The following LRRC4C variants were observed in gnomAD, a reference collection of about 807,000 sequenced individuals.
The protein encoded by LRRC4C is leucine rich repeat containing 4C.
A neutral mutation model predicts 33.6 loss-of-function variants in LRRC4C; 5 were observed. That is an observed-to-expected ratio of 0.15 (90% CI 0.08 to 0.31). The LOEUF (loss-of-function observed/expected upper bound fraction) is 0.31, where lower values mean the gene tolerates loss of function less well. LRRC4C is among the 10% of genes least tolerant of loss of function. The pLI, the probability that LRRC4C is intolerant of heterozygous loss-of-function variation, is 1.00. For missense variants in LRRC4C, 560 were observed against 796.7 expected, an observed-to-expected ratio of 0.70 and a Z score of 3.58; for synonymous variants, 329 against 302.0, an observed-to-expected ratio of 1.09 and a Z score of -0.93.
At chr11:40,762,426 T>C (rs537051641) in intron 2 of LRRC4C, among the ~76,000 whole-genome samples, 8 of 152,170 alleles carry the variant, frequency 5.3e-5, no homozygotes, top group Non-Finnish European at 8.8e-5. Flanking sequence ...GTTGAGTTCT[T>C]GTACATAATC....
chr11:40,316,633 A>G (rs1258544486), intron 4 of LRRC4C, among the ~76,000 whole-genome samples: 1 of 152,024 alleles, frequency 6.6e-6, no homozygotes, highest in African/African-American at 2.4e-5. Flanking sequence ...GGCGTTTAAT[A>G]AACTTTCACA....
At chr11:41,209,927 T>C (rs1231392894) in intron 1 of LRRC4C, among the ~76,000 whole-genome samples, 6 of 152,080 alleles carry the variant, frequency 3.9e-5, no homozygotes, top group Non-Finnish European at 7.4e-5. Flanking sequence ...TTCAATCAGA[T>C]AGGACTCGTG....
intron 5 of LRRC4C, among the ~76,000 whole-genome samples, chr11:40,237,515 T>G (rs890709943): frequency 6.6e-6 from 1 of 152,196 alleles, no homozygotes; most frequent in Non-Finnish European, 1.5e-5. Context: ...CGGTATGGAT[T>G]AAGTAGCATT....
chr11:40,698,896 G>A (rs528121085), intron 2 of LRRC4C, among the ~76,000 whole-genome samples: 15 of 152,022 alleles, frequency 9.9e-5, no homozygotes, highest in Non-Finnish European at 1.9e-4. Flanking sequence ...GGGGGAAACC[G>A]CCCCTATGAC....
intron 1 of LRRC4C, among the ~76,000 whole-genome samples, chr11:41,124,050 C>A (rs1942613271): frequency 1.3e-5 from 2 of 152,150 alleles, no homozygotes; most frequent in Non-Finnish European, 2.9e-5. Flanking sequence ...CACATAGAAA[C>A]AACCTGCTGG....
intron 6 of LRRC4C, among the ~76,000 whole-genome samples, chr11:40,135,412 G>C (rs1304513812): frequency 1.3e-5 from 2 of 152,114 alleles, no homozygotes; most frequent in South Asian, 4.1e-4. Flanking sequence ...AAATGAATGA[G>C]CTTCAGTTAA....
intron 1 of LRRC4C, among the ~76,000 whole-genome samples, chr11:40,935,495 C>T (rs971480991): frequency 1.9e-4 from 29 of 152,070 alleles, no homozygotes; most frequent in African/African-American, 6.8e-4. Flanking sequence ...TGTACCCTTT[C>T]TATGTTTAGG....
chr11:40,735,643 G>A (rs1467413321), intron 2 of LRRC4C, among the ~76,000 whole-genome samples: 1 of 124,748 alleles, frequency 8.0e-6, no homozygotes, highest in Non-Finnish European at 1.8e-5. Context: ...CTTTATAGCA[G>A]CATTATTTAT....
chr11:41,072,768 T>G (rs1938803519), intron 1 of LRRC4C, among the ~76,000 whole-genome samples: 2 of 152,196 alleles, frequency 1.3e-5, no homozygotes, highest in Admixed American at 1.3e-4. Context: ...CTGTGCAATT[T>G]TCTTTGTTTC....
intron 2 of LRRC4C, among the ~76,000 whole-genome samples, chr11:40,677,589 C>T (rs1944469176): frequency 6.6e-6 from 1 of 152,118 alleles, no homozygotes; most frequent in Admixed American, 6.5e-5. Context: ...GAAGGGTTTG[C>T]ATAAATATTT....
intron 1 of LRRC4C, among the ~76,000 whole-genome samples, chr11:40,989,644 AGTT>A (rs1374910480): frequency 6.6e-6 from 1 of 152,132 alleles, no homozygotes; most frequent in Non-Finnish European, 1.5e-5. Context: ...ATTTTTACTC[AGTT>A]GTTGTATTTA....
At chr11:41,040,460 A>G (rs1181633197) in intron 1 of LRRC4C, among the ~76,000 whole-genome samples, 1 of 152,226 alleles carries the variant, frequency 6.6e-6, no homozygotes, top group Non-Finnish European at 1.5e-5. Context: ...TTTTACATAT[A>G]GCTAAGAACT....
intron 2 of LRRC4C, among the ~76,000 whole-genome samples, chr11:40,914,492 C>T (rs1475684616): frequency 6.6e-5 from 10 of 152,264 alleles, no homozygotes; most frequent in South Asian, 2.1e-4. Flanking sequence ...AGACAAAATT[C>T]GACAACCCTT....
chr11:40,696,041 A>ATGTG lies in LRRC4C; in HGVS notation c.-406-47767_-406-47764dup, dbSNP rs567120072. On this transcript the variant is annotated intron_variant, in intron 2 of 6. Transcript: ENST00000528697. ...ATGTGGTGTGTGTGTGTATATATAT[A>ATGTG]TGTGTGTGTGTGTGTGTGTATATAT... 3.5e-3 allele frequency among the ~76,000 whole-genome samples: 505 copies of ATGTG among 143,964 alleles called. 5 individuals are homozygous for ATGTG. Among genetic ancestry groups the ATGTG allele is most frequent in the African/African-American group, 0.011 (423 of 37,778 alleles). The allele number at this position is 143,964 out of a possible 152,430, so 94.4% of individuals were successfully genotyped here.
intron 1 of LRRC4C, among the ~76,000 whole-genome samples, chr11:40,940,221 G>A (rs1958082705): frequency 1.3e-5 from 2 of 152,072 alleles, no homozygotes; most frequent in Admixed American, 1.3e-4. Context: ...TGGGCTTGTT[G>A]TGAGAATTAA....
chr11:40,432,564 G>A (rs1278487328), intron 3 of LRRC4C, among the ~76,000 whole-genome samples: 1 of 152,170 alleles, frequency 6.6e-6, no homozygotes, highest in Non-Finnish European at 1.5e-5. Context: ...CAGAAAACTG[G>A]CAGGCACTGT....
intron 1 of LRRC4C, among the ~76,000 whole-genome samples, chr11:41,284,720 G>A (rs1949770606): frequency 6.6e-6 from 1 of 152,158 alleles, no homozygotes; most frequent in Non-Finnish European, 1.5e-5. Context: ...GGTCAGCTCA[G>A]GGCATGTGAC....
intron 1 of LRRC4C, among the ~76,000 whole-genome samples, chr11:40,970,613 G>A (rs997746858): frequency 3.3e-5 from 5 of 152,126 alleles, no homozygotes; most frequent in Non-Finnish European, 7.4e-5. Context: ...GAATATGTGG[G>A]AACAACTTTG....
In LRRC4C at chr11:40,733,989, A is replaced by T. The variant is rs1947733559; in HGVS notation, c.-406-85711T>A. ...TATTATCACTTTAGGTAGTAAAAAG[A>T]TGCCCATGCTTTCCCTTATAATGAT... On this transcript the variant is annotated intron_variant, in intron 2 of 6. Coordinates refer to ENST00000528697, the MANE Select transcript of LRRC4C (RefSeq NM_001258419.2). Among the ~76,000 whole-genome samples, 2 of 152,176 alleles carry T rather than the reference A, an allele frequency of 1.3e-5. 1 individual carries two copies. Among genetic ancestry groups the T allele is most frequent in the South Asian group, 4.1e-4 (2 of 4,826 alleles).
Sources: gnomAD v4.1 joint callset for allele counts (sites outside exome capture counted in the v4.1 genomes callset) on GRCh38, gnomAD v4.1.1 for gene constraint, MANE v1.5 for transcripts, NCBI Gene and HGNC (gene_info 2026-07-23, HGNC 2026-07-21) for gene names.